Variants in FRMPD4 observed in about 807,000 individuals in gnomAD.
FRMPD4 encodes FERM and PDZ domain containing 4.
In FRMPD4, 22 loss-of-function variants were observed where a neutral mutation model predicts 94.1. That is an observed-to-expected ratio of 0.23 (90% CI 0.17 to 0.33). The LOEUF is 0.33. FRMPD4 is among the 10% of genes least tolerant of loss of function. The probability of loss-of-function intolerance (pLI) is 1.00; values close to 1 mark genes in which losing one functional copy is unlikely to be tolerated. For synonymous variants in FRMPD4, 631 were observed against 548.6 expected (o/e 1.15, Z -2.10); for missense variants, 1,111 against 1,339.9 (o/e 0.83, Z 2.67).
At chrX:12,521,921 A>AG (rs2058166232) in intron 2 of FRMPD4, among the ~76,000 whole-genome samples, 1 of 107,706 alleles carries the variant, frequency 9.3e-6, no homozygotes, top group East Asian at 2.8e-4. Flanking sequence ...AAAAAAAAAA[A>AG]CTGGCTTGGG....
chrX:12,255,362 T>A (rs2054100004), intron 1 of FRMPD4, among the ~76,000 whole-genome samples: 1 of 111,482 alleles, frequency 9.0e-6, no homozygotes, highest in South Asian at 3.8e-4. Flanking sequence ...CAAACCACAC[T>A]TCCCAAGAGA....
intron 4 of FRMPD4, among the ~76,000 whole-genome samples, chrX:12,649,249 T>C (rs1044377026): frequency 4.5e-5 from 5 of 111,929 alleles, no homozygotes; most frequent in African/African-American, 1.6e-4. Context: ...GAGGAGCAGT[T>C]CTTTATGTGC....
intron 2 of FRMPD4, among the ~76,000 whole-genome samples, chrX:12,546,009 G>T: frequency 8.9e-6 from 1 of 112,335 alleles, no homozygotes; most frequent in Non-Finnish European, 1.9e-5. Flanking sequence ...AAAGTGACTG[G>T]AGAACAGGGT....
At position 12,566,098 on chromosome X, in the gene FRMPD4, G is replaced by T. The variant is rs2058709182; in HGVS notation, c.159-43623G>T. Among the ~76,000 whole-genome samples, 4 of 111,688 alleles carry T rather than the reference G, an allele frequency of 3.6e-5. No individual in the cohort carries two copies. The South Asian group carries it at 1.5e-3, about 42-fold the overall frequency. ...AACAAAATCTTCTGAACACCTAGAA[G>T]GTAGAAACTGAAAACTGTGTGTCCT... On this transcript the variant is annotated intron_variant, in intron 2 of 16. Transcript: ENST00000675598.
chrX:11,869,391 A>G (rs1242339918), intron 2 of FRMPD4, among the ~76,000 whole-genome samples: 1 of 111,849 alleles, frequency 8.9e-6, no homozygotes, highest in Non-Finnish European at 1.9e-5. Flanking sequence ...TTCACTTACA[A>G]TCTATAATGC....
intron 4 of FRMPD4, among the ~76,000 whole-genome samples, chrX:12,660,488 C>G (rs1038477814): frequency 1.8e-5 from 2 of 111,907 alleles, no homozygotes; most frequent in African/African-American, 6.5e-5. Flanking sequence ...TTGTATAAGA[C>G]AATTTTTTTG....
chrX:12,403,385 C>T (rs187235785), intron 1 of FRMPD4, among the ~76,000 whole-genome samples: 1 of 111,149 alleles, frequency 9.0e-6, no homozygotes, highest in East Asian at 2.9e-4. Flanking sequence ...CCTCAAATCT[C>T]ATTATTCAGG....
intron 1 of FRMPD4, among the ~76,000 whole-genome samples, chrX:12,419,761 G>A (rs367706583): frequency 2.7e-5 from 3 of 111,553 alleles, no homozygotes; most frequent in Non-Finnish European, 3.8e-5. Context: ...GTTCTTGACC[G>A]TTCTTCTGGA....
chrX:12,054,712 C>T (rs1359448066), intron 3 of FRMPD4: 1 of 111,453 alleles, frequency 9.0e-6, no homozygotes, highest in African/African-American at 3.3e-5. Context: ...GCAAGATGAA[C>T]ATAAAATGGT....
chrX:12,125,097 A>T (rs1188196873), intron 3 of FRMPD4, among the ~76,000 whole-genome samples: 3 of 111,943 alleles, frequency 2.7e-5, no homozygotes, highest in Non-Finnish European at 1.9e-5. Context: ...TCTTGAGAGA[A>T]TGCTTGGAGC....
intron 1 of FRMPD4, among the ~76,000 whole-genome samples, chrX:12,238,974 G>T (rs936086300): frequency 2.7e-5 from 3 of 112,137 alleles, no homozygotes; most frequent in Non-Finnish European, 5.6e-5. Context: ...TCAATTACAT[G>T]AAATGGACTC....
chrX:12,675,111 A>AT, intron 5 of FRMPD4, among the ~76,000 whole-genome samples: 1 of 112,266 alleles, frequency 8.9e-6, no homozygotes, highest in African/African-American at 3.2e-5. Context: ...GGAGTAATAC[A>AT]TTTTCTAAAG....
chrX:11,905,634 A>G (rs2053963068), intron 3 of FRMPD4, among the ~76,000 whole-genome samples: 1 of 111,281 alleles, frequency 9.0e-6, no homozygotes, highest in South Asian at 3.8e-4. Context: ...GAACACTTAT[A>G]TTTGAATGCC....
intron 3 of FRMPD4, among the ~76,000 whole-genome samples, chrX:11,928,971 G>A (rs2054104404): frequency 8.9e-6 from 1 of 112,485 alleles, no homozygotes; most frequent in Non-Finnish European, 1.9e-5. Context: ...AACATGGGAA[G>A]AGCCAGAGGC....
At chrX:12,473,471 C>T (rs2057545659) in intron 1 of FRMPD4, among the ~76,000 whole-genome samples, 1 of 109,740 alleles carries the variant, frequency 9.1e-6, no homozygotes, top group Non-Finnish European at 1.9e-5. Flanking sequence ...ACAATATTAA[C>T]CTTAAATGTA....
chrX:12,379,662 T>TGC (rs1206325385), intron 1 of FRMPD4, among the ~76,000 whole-genome samples: 12 of 108,393 alleles, frequency 1.1e-4, no homozygotes, highest in Non-Finnish European at 2.3e-4. Flanking sequence ...TGTGTGTGTG[T>TGC]GTGTGTGTGT....
At chrX:12,456,299 C>T (rs1448583732) in intron 1 of FRMPD4, among the ~76,000 whole-genome samples, 4 of 111,705 alleles carry the variant, frequency 3.6e-5, no homozygotes, top group Admixed American at 2.8e-4. Context: ...CTTTCTGTCT[C>T]CCTTTCTTCC....
chrX:12,385,327 G>A (rs1332155540), intron 1 of FRMPD4, among the ~76,000 whole-genome samples: 1 of 112,414 alleles, frequency 8.9e-6, no homozygotes, highest in African/African-American at 3.2e-5. Flanking sequence ...GACATTGTGG[G>A]GCTAGGCAGT....
chrX:12,397,511 C>T (rs751720238), intron 1 of FRMPD4, among the ~76,000 whole-genome samples: 4 of 111,924 alleles, frequency 3.6e-5, no homozygotes, highest in East Asian at 2.8e-4. Context: ...AAATGGATAG[C>T]GAGGTCAGGT....
Sources: allele counts gnomAD v4.1 joint callset (sites outside exome capture counted in the v4.1 genomes callset), GRCh38; gene constraint gnomAD v4.1.1; transcripts MANE v1.5; gene names NCBI Gene and HGNC (gene_info 2026-07-23, HGNC 2026-07-21).